RBBP4: variants seen among roughly 807,000 people sequenced by gnomAD.
The protein encoded by RBBP4 is histone-binding protein RBBP4.
Under a neutral mutation model 57.2 loss-of-function variants are expected in RBBP4, and 3 were observed. That is an observed-to-expected ratio of 0.05 (90% confidence interval 0.02 to 0.14). The LOEUF (loss-of-function observed/expected upper bound fraction) is 0.14. Among genes scored for constraint, RBBP4 ranks in the 10% least tolerant of loss-of-function variants. The pLI, the probability that RBBP4 is intolerant of heterozygous loss-of-function variation, is 1.00. For synonymous variants in RBBP4, 151 were observed against 171.5 expected (o/e 0.88, Z 0.93); for missense variants, 107 against 520.6 (o/e 0.21, Z 7.73).
intron 11 of RBBP4, among the ~76,000 whole-genome samples, chr1:32,677,106 G>C (rs1189995691): frequency 6.6e-6 from 1 of 152,132 alleles, no homozygotes; most frequent in Admixed American, 6.6e-5. Context: ...AAAACACTCG[G>C]AGTTTGCAGA....
intron 3 of RBBP4, among the ~76,000 whole-genome samples, chr1:32,665,459 T>C (rs1648603308): frequency 2.0e-5 from 3 of 152,036 alleles, no homozygotes; most frequent in African/African-American, 7.2e-5. Flanking sequence ...GGGTAGATTA[T>C]CTGATGTCAG....
At chr1:32,665,882 C>G (rs1353941590) in intron 3 of RBBP4, among the ~76,000 whole-genome samples, 1 of 152,148 alleles carries the variant, frequency 6.6e-6, no homozygotes, top group Non-Finnish European at 1.5e-5. Context: ...GGAACTTTTG[C>G]AACCGTACCA....
intron 1 of RBBP4, 29 bp from the exon 2 acceptor site, chr1:32,651,885 T>C (rs1461767035): frequency 1.2e-6 from 2 of 1,609,896 alleles, no homozygotes; most frequent in Non-Finnish European, 1.7e-6. Context: ...GTTTGTTTGC[T>C]AACTTAAATT....
chr1:32,658,951 G>A (rs139488839), intron 3 of RBBP4, among the ~76,000 whole-genome samples: 3 of 138,804 alleles, frequency 2.2e-5, no homozygotes, highest in Admixed American at 1.5e-4. Flanking sequence ...ATAAACATAC[G>A]TATATATGTA....
intron 3 of RBBP4, among the ~76,000 whole-genome samples, chr1:32,659,287 G>T (rs1420113941): frequency 6.6e-6 from 1 of 151,782 alleles, no homozygotes; most frequent in Non-Finnish European, 1.5e-5. Flanking sequence ...CTGGCCGGGT[G>T]CGGTGAGTCA....
At chr1:32,660,203 A>T (rs375541041) in intron 3 of RBBP4, among the ~76,000 whole-genome samples, 4 of 152,056 alleles carry the variant, frequency 2.6e-5, no homozygotes, top group African/African-American at 7.2e-5. Flanking sequence ...GGTGCAGATC[A>T]TTTTCTTGTT....
chr1:32,665,184 G>T (rs967493807), intron 3 of RBBP4, among the ~76,000 whole-genome samples: 1 of 152,126 alleles, frequency 6.6e-6, no homozygotes, highest in African/African-American at 2.4e-5. Flanking sequence ...ATAGATTGTA[G>T]ATGCTTGTGG....
At position 32,681,731 on chromosome 1, in the gene RBBP4, T is replaced by C. The variant is rs868046371; in HGVS notation, c.*2026T>C. ...GTATTTGCAACTTCCACAGGATGAA[T>C]TGCTTGCCAAGTTTCTGGCACTCTT... On this transcript the variant is annotated 3_prime_UTR_variant, in exon 12 of 12. Transcript: ENST00000373493. The C allele has an allele frequency of 9.7e-6, 15 of 1,548,994 alleles. No homozygotes were observed. The highest frequency in any genetic ancestry group is 9.0e-5 in the South Asian group (8 of 88,446).
chr1:32,651,532 G>C (rs1028265729), intron 1 of RBBP4: 2 of 1,288,456 alleles, frequency 1.6e-6, no homozygotes. Flanking sequence ...CCAGCGGTGG[G>C]GCCCCCGGCC....
intron 8 of RBBP4, among the ~76,000 whole-genome samples, chr1:32,671,056 G>T (rs1279764700): frequency 1.7e-4 from 26 of 152,094 alleles, no homozygotes. Context: ...AGGCTAGGTA[G>T]CACTTTTACC....
At chr1:32,675,225 T>TG (rs1557860479) in intron 11 of RBBP4, among the ~76,000 whole-genome samples, 2 of 150,474 alleles carry the variant, frequency 1.3e-5, no homozygotes, top group Non-Finnish European at 3.0e-5. Context: ...TAGTAGAGAC[T>TG]GGGTTTCTCC....
rs1357675488 is a variant in RBBP4, at chr1:32,684,582, G to A, written c.*4877G>A. ...AAGTGACAATGCTTTTGAAAATGAT[G>A]ACGAAAAAGGCATCTTGTCTGTTAA... On this transcript the variant is annotated 3_prime_UTR_variant, in exon 12 of 12. Transcript: ENST00000373493. 4.3e-6 allele frequency: 3 copies of A among 694,392 alleles called. No homozygotes were observed. Among genetic ancestry groups the A allele is most frequent in the Non-Finnish European group, 6.8e-6 (3 of 438,686 alleles). The allele number at this position is 694,392 out of a possible 1,614,324, so 43.0% of individuals were successfully genotyped here.
chr1:32,654,727 CTT>C (rs1648056780), intron 2 of RBBP4, among the ~76,000 whole-genome samples: 2 of 152,242 alleles, frequency 1.3e-5, no homozygotes, highest in Admixed American at 1.3e-4. Flanking sequence ...GAGTTTCACT[CTT>C]GTTACTCATA....
chr1:32,678,383 C>T (rs187656530), intron 11 of RBBP4, among the ~76,000 whole-genome samples: 45 of 151,962 alleles, frequency 3.0e-4, no homozygotes, highest in South Asian at 4.2e-4. Flanking sequence ...CCTGTCACCA[C>T]GCCTGGCTAA....
rs1649332467 is a variant in RBBP4, at chr1:32,680,146, G to A, written c.*441G>A. ...AATAGGGGGAGATTCAAGTCATATAGATTCCTACTCGAAAATCTTGACACC... is the reference window on the plus strand; with the variant it reads ...AATAGGGGGAGATTCAAGTCATATAAATTCCTACTCGAAAATCTTGACACC... On this transcript the variant is annotated 3_prime_UTR_variant, in exon 12 of 12. Coordinates refer to ENST00000373493, the MANE Select transcript of RBBP4 (RefSeq NM_005610.3). The A allele has an allele frequency of 9.3e-7, 1 of 1,076,424 alleles. No homozygotes were observed. The highest frequency in any genetic ancestry group is 3.4e-5 in the South Asian group (1 of 29,172). The allele number at this position is 1,076,424 out of a possible 1,614,324, so 66.7% of individuals were successfully genotyped here. A position where few individuals can be genotyped will look rare whatever the true frequency, so the allele number is the denominator to read the frequency against.
rs1265186050 is a variant in RBBP4 at position 32,669,949 on chromosome 1, C to T, written c.966+386C>T. Among the ~76,000 whole-genome samples the T allele has an allele frequency of 2.0e-5, 3 of 152,168 alleles. No homozygotes were observed. Among genetic ancestry groups the T allele is most frequent in the African/African-American group, 4.8e-5 (2 of 41,442 alleles). On this transcript the variant is annotated intron_variant, in intron 8 of 11. Coordinates refer to ENST00000373493, the MANE Select transcript of RBBP4 (RefSeq NM_005610.3). This position sits in a 1 kb window ranked among gnomAD's most constrained non-coding sequence, Gnocchi z 4.9. ...GAGTGGGCACACATGTGCTTTATGCCGTTGCTAAAAATAGAAATCTATATG... is the reference window on the plus strand; with the variant it reads ...GAGTGGGCACACATGTGCTTTATGCTGTTGCTAAAAATAGAAATCTATATG...
intron 3 of RBBP4, among the ~76,000 whole-genome samples, chr1:32,664,450 T>C (rs574246000): frequency 2.0e-5 from 3 of 152,034 alleles, no homozygotes; most frequent in African/African-American, 7.2e-5. Flanking sequence ...GCTTCTTTTT[T>C]TGTTTGTTTG....
Position 32,684,344 on chromosome 1 carries a change from T to TA in RBBP4, c.*4641dup. The TA allele has an allele frequency of 6.2e-7, 1 of 1,614,220 alleles. No individual in the cohort carries two copies. Among genetic ancestry groups the TA allele is most frequent in the Non-Finnish European group, 8.5e-7 (1 of 1,180,036 alleles). On this transcript the variant is annotated 3_prime_UTR_variant, in exon 12 of 12. Coordinates refer to ENST00000373493, the MANE Select transcript of RBBP4 (RefSeq NM_005610.3). The stretch of plus-strand genomic sequence containing the variant: ...GTTGCTGGAGTTGCACCCCATTTCT[T>TA]AACTGCCTCTGGCGTTCTTCCATTT...
Position 32,680,288 on chromosome 1 carries a change from G to A in RBBP4, c.*583G>A, listed in dbSNP as rs1315377484. ...TATTCATATATTTTTGCTCGTTAGT[G>A]TATTTCTTGAGCTGTTTTCATGTTG... On this transcript the variant is annotated 3_prime_UTR_variant, in exon 12 of 12. Transcript: ENST00000373493. 3 of 1,259,624 alleles carry A rather than the reference G, an allele frequency of 2.4e-6. No homozygotes were observed. Among genetic ancestry groups the A allele is most frequent in the East Asian group, 3.3e-5 (1 of 29,982 alleles). The allele number at this position is 1,259,624 out of a possible 1,614,324, so 78.0% of individuals were successfully genotyped here.
Sources: gnomAD v4.1 joint callset for allele counts (sites outside exome capture counted in the v4.1 genomes callset) on GRCh38, gnomAD v4.1.1 for gene constraint, Gnocchi (gnomAD v3.1) non-coding constraint, MANE v1.5 for transcripts, NCBI Gene and HGNC (gene_info 2026-07-23, HGNC 2026-07-21) for gene names.